The following THSD7B variants were observed in gnomAD, a reference collection of about 807,000 sequenced individuals.
The protein encoded by THSD7B is thrombospondin type 1 domain containing 7B.
A neutral mutation model predicts 213.6 loss-of-function variants in THSD7B; 138 were observed. That is an observed-to-expected ratio of 0.65 (90% confidence interval 0.56 to 0.74). The LOEUF is 0.74. Ranked by LOEUF, THSD7B falls within the 30% of genes least tolerant of loss-of-function variation. The pLI is 0.00. For synonymous variants in THSD7B, 742 were observed against 687.0 expected, an observed-to-expected ratio of 1.08 and a Z score of -1.25; for missense variants, 1,931 against 1,991.5, an observed-to-expected ratio of 0.97 and a Z score of 0.58.
At chr2:136,987,422 G>T (rs1685690486) in intron 2 of THSD7B, among the ~76,000 whole-genome samples, 1 of 152,144 alleles carries the variant, frequency 6.6e-6, no homozygotes, top group South Asian at 2.1e-4. Context: ...TAAAAAGTTA[G>T]CTGTAAATGG....
At chr2:137,371,501 AT>A (rs1414001780) in intron 12 of THSD7B, among the ~76,000 whole-genome samples, 1 of 152,134 alleles carries the variant, frequency 6.6e-6, no homozygotes, top group African/African-American at 2.4e-5. Flanking sequence ...CCTTATATGG[AT>A]GTATTTTAAT....
intron 15 of THSD7B, among the ~76,000 whole-genome samples, chr2:137,506,734 T>G (rs180990018): frequency 6.6e-6 from 1 of 152,340 alleles, no homozygotes; most frequent in East Asian, 1.9e-4. Context: ...GACCTCCTGA[T>G]GAAAACCTGA....
At position 137,315,759 on chromosome 2, in the gene THSD7B, T is replaced by C. The variant is rs540066283; in HGVS notation, c.2500+39733T>C. The stretch of plus-strand genomic sequence containing the variant: ...CAGTAGAGATAGAGTGTTTTGTTTC[T>C]CAGATAGCTAGCCAGTTATCCCTAG... On this transcript the variant is annotated intron_variant, in intron 12 of 27. Coordinates refer to ENST00000409968, the MANE Select transcript of THSD7B (RefSeq NM_001316349.2). Among the ~76,000 whole-genome samples, 38 of 152,328 alleles carry C rather than the reference T, an allele frequency of 2.5e-4. No individual in the cohort carries two copies. In the South Asian group the frequency reaches 7.7e-3, roughly 31 times the overall value.
chr2:136,823,834 T>G (rs1682602391), intron 1 of THSD7B, among the ~76,000 whole-genome samples: 1 of 152,216 alleles, frequency 6.6e-6, no homozygotes, highest in Non-Finnish European at 1.5e-5. Context: ...ATAAGTTTCT[T>G]CCTTTGAATT....
At chr2:137,548,750 C>G (rs2218709) in intron 15 of THSD7B, among the ~76,000 whole-genome samples, 2 of 151,932 alleles carry the variant, frequency 1.3e-5, no homozygotes, top group African/African-American at 4.8e-5. Flanking sequence ...ATTAAGTTAA[C>G]CCTAACTAGG....
intron 17 of THSD7B, among the ~76,000 whole-genome samples, chr2:137,610,115 G>A (rs1371747579): frequency 2.0e-5 from 3 of 152,098 alleles, no homozygotes; most frequent in East Asian, 1.9e-4. Flanking sequence ...AATGGTTTGA[G>A]GGCATTGGTT....
chr2:137,291,421 T>C (rs575101545), intron 12 of THSD7B, among the ~76,000 whole-genome samples: 1 of 152,286 alleles, frequency 6.6e-6, no homozygotes, highest in Non-Finnish European at 1.5e-5. Context: ...CAAATAGTCA[T>C]ATATTACACA....
chr2:137,171,604 GA>G (rs1352384649), intron 7 of THSD7B, among the ~76,000 whole-genome samples: 1 of 152,072 alleles, frequency 6.6e-6, no homozygotes, highest in Non-Finnish European at 1.5e-5. Flanking sequence ...TCCTGAACTT[GA>G]AAAAAATTTC....
intron 2 of THSD7B, among the ~76,000 whole-genome samples, chr2:137,041,899 G>A (rs1165583606): frequency 2.6e-5 from 4 of 152,186 alleles, no homozygotes; most frequent in Non-Finnish European, 5.9e-5. Flanking sequence ...ATGTTTGAAA[G>A]GATGTAGGAA....
rs139572308 is a variant in THSD7B at position 137,183,135 on chromosome 2, G to A, written c.1723+12197G>A. Reference sequence around the variant, plus strand: ...AGGCCTAGTTTCCAGACTTATGGTCGTAAGGATGCTATTTTGTAAAATTTT... The same window carrying A: ...AGGCCTAGTTTCCAGACTTATGGTCATAAGGATGCTATTTTGTAAAATTTT... On this transcript the variant is annotated intron_variant, in intron 7 of 27. Coordinates refer to ENST00000409968, the MANE Select transcript of THSD7B (RefSeq NM_001316349.2). Among the ~76,000 whole-genome samples the A allele has an allele frequency of 4.0e-3, 604 of 152,148 alleles. 4 individuals are homozygous for A. The highest frequency in any genetic ancestry group is 0.014 in the African/African-American group (582 of 41,512).
chr2:136,951,794 C>G (rs1176886195), intron 2 of THSD7B, among the ~76,000 whole-genome samples: 1 of 152,200 alleles, frequency 6.6e-6, no homozygotes, highest in Non-Finnish European at 1.5e-5. Context: ...AAACCTAAAT[C>G]ATAATTCAGC....
intron 12 of THSD7B, among the ~76,000 whole-genome samples, chr2:137,366,935 A>G (rs115036763): frequency 2.0e-5 from 3 of 152,322 alleles, no homozygotes; most frequent in African/African-American, 7.2e-5. Context: ...TAACAGAAAT[A>G]CTTTTAAGGA....
intron 1 of THSD7B, among the ~76,000 whole-genome samples, chr2:136,825,718 A>ATTTTTTTTTTTTTGTTTT (rs1553451023): frequency 8.6e-6 from 1 of 116,896 alleles, no homozygotes; most frequent in Non-Finnish European, 1.7e-5. Flanking sequence ...TGCCTGGCTA[A>ATTTTTTTTTTTTTGTTTT]TTTTTTTTTT....
At chr2:137,143,957 C>T (rs986619562) in intron 5 of THSD7B, among the ~76,000 whole-genome samples, 6 of 151,774 alleles carry the variant, frequency 4.0e-5, no homozygotes, top group Admixed American at 2.0e-4. Flanking sequence ...AACTTTAAAA[C>T]AATTCATAAG....
chr2:137,524,526 A>G (rs1680244014), intron 15 of THSD7B, among the ~76,000 whole-genome samples: 1 of 152,094 alleles, frequency 6.6e-6, no homozygotes, highest in Non-Finnish European at 1.5e-5. Context: ...TGATGGCTGC[A>G]TCCTTGTTTA....
At chr2:136,837,148 C>T (rs903077047) in intron 1 of THSD7B, among the ~76,000 whole-genome samples, 2 of 152,194 alleles carry the variant, frequency 1.3e-5, no homozygotes, top group African/African-American at 4.8e-5. Flanking sequence ...CTATATTCAT[C>T]ATGAATCATC....
At chr2:137,382,093 G>A (rs1685790489) in intron 12 of THSD7B, among the ~76,000 whole-genome samples, 1 of 152,172 alleles carries the variant, frequency 6.6e-6, no homozygotes, top group Non-Finnish European at 1.5e-5. Context: ...ATTGAATTGG[G>A]ACAGTACCAC....
chr2:137,662,567 A>G (rs1341343985), intron 25 of THSD7B, among the ~76,000 whole-genome samples: 1 of 152,060 alleles, frequency 6.6e-6, no homozygotes, highest in Non-Finnish European at 1.5e-5. Flanking sequence ...TTTAGTGGTC[A>G]ATGGTAAAAG....
chr2:137,158,134 T>C (rs1015428531), intron 5 of THSD7B, among the ~76,000 whole-genome samples: 4 of 152,204 alleles, frequency 2.6e-5, no homozygotes, highest in African/African-American at 9.6e-5. Flanking sequence ...CTGATTTAGA[T>C]GGATGCTCAG....
Sources: gnomAD v4.1 joint callset for allele counts (sites outside exome capture counted in the v4.1 genomes callset) on GRCh38, gnomAD v4.1.1 for gene constraint, MANE v1.5 for transcripts, NCBI Gene and HGNC (gene_info 2026-07-23, HGNC 2026-07-21) for gene names.